The following WDFY2 variants were observed in gnomAD, a reference collection of about 807,000 sequenced individuals.
The protein encoded by WDFY2 is WD repeat and FYVE domain containing 2.
WDFY2 carries 36 observed loss-of-function variants against 56.4 expected under a neutral mutation model. The ratio of observed to expected loss-of-function variants is 0.64; its 90% CI spans 0.49 to 0.84. WDFY2 has a LOEUF of 0.84. Ranked by LOEUF, WDFY2 falls within the 40% of genes least tolerant of loss-of-function variation. The pLI, the probability that WDFY2 is intolerant of heterozygous loss-of-function variation, is 0.00. For missense variants in WDFY2, 444 were observed against 512.2 expected, an observed-to-expected ratio of 0.87 and a Z score of 1.29; for synonymous variants, 176 against 183.7, an observed-to-expected ratio of 0.96 and a Z score of 0.34.
intron 3 of WDFY2, among the ~76,000 whole-genome samples, chr13:51,677,417 T>C (rs1268927789): frequency 6.6e-6 from 1 of 152,234 alleles, no homozygotes; most frequent in African/African-American, 2.4e-5. Context: ...GGATTCACAT[T>C]GATCACTGCA....
chr13:51,630,982 G>A (rs889318792), intron 1 of WDFY2, among the ~76,000 whole-genome samples: 16 of 151,264 alleles, frequency 1.1e-4, no homozygotes, highest in Admixed American at 9.8e-4. Flanking sequence ...GTTTCACCAT[G>A]TTGGCCAGGC....
chr13:51,725,421 C>G (rs559776183), intron 5 of WDFY2, among the ~76,000 whole-genome samples: 13 of 152,230 alleles, frequency 8.5e-5, no homozygotes, highest in Middle Eastern at 3.4e-3. Context: ...GGCATGGTGG[C>G]TCACACCTGT....
At chr13:51,709,296 G>A (rs185092563) in intron 4 of WDFY2, among the ~76,000 whole-genome samples, 592 of 152,212 alleles carry the variant, frequency 3.9e-3, no homozygotes, top group Non-Finnish European at 6.6e-3. Context: ...AAATTTGGAA[G>A]GATTTAAGTC....
intron 1 of WDFY2, among the ~76,000 whole-genome samples, chr13:51,648,471 C>A (rs1437258878): frequency 1.3e-5 from 2 of 152,136 alleles, no homozygotes; most frequent in African/African-American, 4.8e-5. Flanking sequence ...GACCTTGGGG[C>A]AAATATCAAA....
intron 1 of WDFY2, among the ~76,000 whole-genome samples, chr13:51,627,213 T>C (rs1187058232): frequency 6.6e-6 from 1 of 152,156 alleles, no homozygotes; most frequent in Non-Finnish European, 1.5e-5. Flanking sequence ...AGCCCTAGCT[T>C]GGGGAGCTCC....
chr13:51,621,062 C>T (rs1954716512), intron 1 of WDFY2, among the ~76,000 whole-genome samples: 1 of 152,182 alleles, frequency 6.6e-6, no homozygotes, highest in Admixed American at 6.5e-5. Flanking sequence ...AATAAATTTT[C>T]TCTGAATAAA....
At position 51,709,453 on chromosome 13, in the gene WDFY2, G is replaced by C. The variant is rs76746890; in HGVS notation, c.334+5803G>C. ...CTTGGGATCAGGAGTTGAAGCCTGG[G>C]GAACATAGCAAGATGCTGTTTCTAT... On this transcript the variant is annotated intron_variant, in intron 4 of 11. Transcript: ENST00000298125. 3.3e-4 allele frequency among the ~76,000 whole-genome samples: 50 copies of C among 152,054 alleles called. No homozygotes were observed. In the East Asian group the frequency reaches 8.9e-3, roughly 27 times the overall value.
intron 1 of WDFY2, among the ~76,000 whole-genome samples, chr13:51,607,112 A>G (rs73197848): frequency 1.3e-5 from 2 of 152,362 alleles, no homozygotes; most frequent in Non-Finnish European, 2.9e-5. Context: ...TTAGATACTT[A>G]TATACTGATA....
chr13:51,707,939 CTTTTTTTTTTTTTTTT>C (rs56054205), intron 4 of WDFY2, among the ~76,000 whole-genome samples: 16 of 57,570 alleles, frequency 2.8e-4, no homozygotes, highest in South Asian at 9.2e-4. Context: ...CCTAAAACAA[CTTTTTTTTTTTTTTTT>C]TTTTTTTTTT....
intron 3 of WDFY2, among the ~76,000 whole-genome samples, chr13:51,689,193 A>G (rs958527661): frequency 7.9e-5 from 12 of 152,180 alleles, no homozygotes; most frequent in African/African-American, 2.6e-4. Flanking sequence ...CCAACTGCAT[A>G]TGGTTACTTG....
intron 1 of WDFY2, among the ~76,000 whole-genome samples, chr13:51,654,171 G>A (rs1251218751): frequency 1.3e-5 from 2 of 152,204 alleles, no homozygotes; most frequent in East Asian, 1.9e-4. Context: ...CTAGCAGTGA[G>A]CAAGGCTCCG....
intron 1 of WDFY2, among the ~76,000 whole-genome samples, chr13:51,658,547 T>A (rs1378584966): frequency 6.6e-6 from 1 of 152,220 alleles, no homozygotes; most frequent in East Asian, 1.9e-4. Flanking sequence ...AGCTTAGTAG[T>A]TGATTTAGTG....
At chr13:51,714,600 C>A (rs1952302086) in intron 4 of WDFY2, among the ~76,000 whole-genome samples, 1 of 152,072 alleles carries the variant, frequency 6.6e-6, no homozygotes. Flanking sequence ...GGCCTGGAAC[C>A]CTCTTAACAG....
chr13:51,700,748 C>T (rs1203972292), intron 3 of WDFY2, among the ~76,000 whole-genome samples: 1 of 151,382 alleles, frequency 6.6e-6, no homozygotes, highest in African/African-American at 2.4e-5. Flanking sequence ...GGCAGATCAC[C>T]TGAGGTCGGG....
chr13:51,642,145 T>G (rs1441720790), intron 1 of WDFY2, among the ~76,000 whole-genome samples: 2 of 152,200 alleles, frequency 1.3e-5, no homozygotes, highest in Non-Finnish European at 2.9e-5. Flanking sequence ...GTTTTTCATG[T>G]TCAGCCTTTC....
At chr13:51,656,247 T>C (rs1429608788) in intron 1 of WDFY2, among the ~76,000 whole-genome samples, 1 of 152,004 alleles carries the variant, frequency 6.6e-6, no homozygotes, top group Non-Finnish European at 1.5e-5. Flanking sequence ...TAATGTGTTG[T>C]GCTTTTGTTT....
chr13:51,634,948 T>C (rs982376126), intron 1 of WDFY2, among the ~76,000 whole-genome samples: 9 of 152,126 alleles, frequency 5.9e-5, no homozygotes, highest in African/African-American at 2.2e-4. Flanking sequence ...TTTTTAGTTT[T>C]ATTTTTTTGA....
intron 3 of WDFY2, among the ~76,000 whole-genome samples, chr13:51,701,836 C>G (rs1465612935): frequency 1.3e-5 from 2 of 152,038 alleles, no homozygotes; most frequent in Non-Finnish European, 2.9e-5. Context: ...TAACAATTGT[C>G]TTCAATAAAT....
At chr13:51,676,722 ACT>A (rs774314632) in intron 3 of WDFY2, among the ~76,000 whole-genome samples, 3 of 152,110 alleles carry the variant, frequency 2.0e-5, no homozygotes, top group Non-Finnish European at 1.5e-5. Flanking sequence ...AGATCTGTAA[ACT>A]CTGTTTCTTA....
Sources: gnomAD v4.1 joint callset for allele counts (sites outside exome capture counted in the v4.1 genomes callset) on GRCh38, gnomAD v4.1.1 for gene constraint, MANE v1.5 for transcripts, NCBI Gene and HGNC (gene_info 2026-07-23, HGNC 2026-07-21) for gene names.